Variants in SRP9 observed in about 807,000 individuals in gnomAD.
SRP9 encodes signal recognition particle 9 kDa protein.
In SRP9, 2 loss-of-function variants were observed where a neutral mutation model predicts 11.7. The ratio of observed to expected loss-of-function variants is 0.17; its 90% CI spans 0.07 to 0.54. The LOEUF is 0.54. Ranked by LOEUF, SRP9 falls within the 20% of genes least tolerant of loss-of-function variation. The pLI, the probability that SRP9 is intolerant of heterozygous loss-of-function variation, is 0.94. For missense variants in SRP9, 54 were observed against 108.1 expected, an observed-to-expected ratio of 0.50 and a Z score of 2.22; for synonymous variants, 27 against 35.6, an observed-to-expected ratio of 0.76 and a Z score of 0.86.
At position 225,789,373 on chromosome 1, in the gene SRP9, A is replaced by C; in HGVS notation, c.*14A>C. 6.4e-7 allele frequency: 1 copy of C among 1,569,770 alleles called. No individual in the cohort carries two copies. Among genetic ancestry groups the C allele is most frequent in the Non-Finnish European group, 8.6e-7 (1 of 1,160,076 alleles). On this transcript the variant is annotated 3_prime_UTR_variant, in exon 3 of 3. Transcript: ENST00000304786. ...GAAACTGAGTGAATGGTTTGAAATG[A>C]AGACTTTGTCGTGTACTTAGGAAGT...
At chr1:225,781,488 C>G (rs1017252512) in intron 1 of SRP9, among the ~76,000 whole-genome samples, 1 of 150,316 alleles carries the variant, frequency 6.7e-6, no homozygotes, top group African/African-American at 2.5e-5. Flanking sequence ...CAACCTCCGC[C>G]TCCCGAGTTC....
chr1:225,783,408 G>A (rs777253030), intron 2 of SRP9, 40 bp downstream of exon 2: 6 of 1,477,278 alleles, frequency 4.1e-6, no homozygotes, highest in Non-Finnish European at 4.7e-6. Context: ...TTTCAGATTT[G>A]TTTGAGTTAA....
intron 2 of SRP9, among the ~76,000 whole-genome samples, chr1:225,783,827 T>C (rs1403118236): frequency 1.3e-5 from 2 of 152,208 alleles, no homozygotes; most frequent in Non-Finnish European, 2.9e-5. Context: ...CATCAGCAGC[T>C]CCTTTCTTTT....
intron 1 of SRP9, among the ~76,000 whole-genome samples, chr1:225,780,544 T>G (rs1394091970): frequency 6.6e-6 from 1 of 152,190 alleles, no homozygotes. Flanking sequence ...TTACATAGAT[T>G]TATACATAAT....
intron 1 of SRP9, among the ~76,000 whole-genome samples, chr1:225,782,320 C>T (rs1040571336): frequency 1.9e-4 from 29 of 152,200 alleles, no homozygotes; most frequent in African/African-American, 6.0e-4. Context: ...CTCATCACCA[C>T]GCCCGGCTAA....
At chr1:225,784,944 T>C (rs1665874536) in intron 2 of SRP9, among the ~76,000 whole-genome samples, 2 of 152,106 alleles carry the variant, frequency 1.3e-5, no homozygotes, top group African/African-American at 4.8e-5. Flanking sequence ...TTTTTTTAAT[T>C]AAAAAAATTT....
rs71170100 is a variant in SRP9 at position 225,784,413 on chromosome 1, A to ATT, written c.141+1053_141+1054dup. On this transcript the variant is annotated intron_variant, in intron 2 of 2. Coordinates refer to ENST00000304786, the MANE Select transcript of SRP9 (RefSeq NM_003133.6). ...AGGCACCCACCACCACGCCCAGCTA[A>ATT]TTTTTTTTTGTATTTTTAGTAGAGA... is the stretch of plus-strand genomic sequence containing the variant. Among the ~76,000 whole-genome samples, 25 of 146,480 alleles carry ATT rather than the reference A, an allele frequency of 1.7e-4. No individual in the cohort carries two copies. The South Asian group carries it at 3.3e-3, about 19-fold the overall frequency.
chr1:225,786,687 A>C (rs900308847), intron 2 of SRP9, among the ~76,000 whole-genome samples: 6 of 152,194 alleles, frequency 3.9e-5, no homozygotes, highest in African/African-American at 1.4e-4. Flanking sequence ...GGCCTTGGAA[A>C]AGTTTAGGCC....
At chr1:225,779,261 C>G (rs1159396268) in intron 1 of SRP9, among the ~76,000 whole-genome samples, 2 of 151,984 alleles carry the variant, frequency 1.3e-5, no homozygotes, top group African/African-American at 4.8e-5. Context: ...TCTCCTGCCT[C>G]AGCTTCCCGA....
chr1:225,788,517 G>A (rs1160872878), intron 2 of SRP9, among the ~76,000 whole-genome samples: 1 of 150,434 alleles, frequency 6.6e-6, no homozygotes. Flanking sequence ...CTGGGTTCAA[G>A]CGATTCTCCT....
intron 2 of SRP9, chr1:225,788,902 C>G (rs1410367608): frequency 9.3e-6 from 11 of 1,181,322 alleles, no homozygotes; most frequent in East Asian, 2.6e-5. Context: ...GGGAGATAAT[C>G]TAATACCTAA....
At chr1:225,785,895 C>T (rs957026005) in intron 2 of SRP9, among the ~76,000 whole-genome samples, 1 of 151,976 alleles carries the variant, frequency 6.6e-6, no homozygotes, top group Non-Finnish European at 1.5e-5. Context: ...GTCGCCCAGG[C>T]GGCTGGAGTT....
At chr1:225,778,950 C>G (rs1391703806) in intron 1 of SRP9, among the ~76,000 whole-genome samples, 2 of 152,168 alleles carry the variant, frequency 1.3e-5, no homozygotes, top group African/African-American at 4.8e-5. Context: ...TCTCGTGTTA[C>G]TGACCCCAAG....
chr1:225,786,889 C>T, intron 2 of SRP9: 1 of 1,137,982 alleles, frequency 8.8e-7, no homozygotes, highest in Admixed American at 2.5e-5. Flanking sequence ...ATTGCTCAGG[C>T]TGCAGTGCAG....
intron 1 of SRP9, among the ~76,000 whole-genome samples, chr1:225,778,352 T>C (rs1346410289): frequency 2.0e-5 from 3 of 152,268 alleles, no homozygotes; most frequent in Admixed American, 1.3e-4. Flanking sequence ...TTTGTCTTGG[T>C]TCACTTTTCC....
chr1:225,787,726 G>A (rs561029374), intron 2 of SRP9, among the ~76,000 whole-genome samples: 189 of 151,982 alleles, frequency 1.2e-3, no homozygotes, highest in African/African-American at 4.2e-3. Flanking sequence ...TGTCTTCTAT[G>A]GACCTAAAAT....
In SRP9 at chr1:225,790,065, A is replaced by G. The variant is rs575875403; in HGVS notation, c.*706A>G. The G allele has an allele frequency of 2.6e-5, 4 of 152,342 alleles. No individual in the cohort carries two copies. Among genetic ancestry groups the G allele is most frequent in the African/African-American group, 7.2e-5 (3 of 41,574 alleles). 9.4% of individuals were successfully genotyped at this position (152,342 alleles called of 1,614,324 possible). Reference sequence around the variant, plus strand: ...TGAATGGAATGATGATCACTGTGCTATAATGTACTGAAACCACCATATTAC... The same window carrying G: ...TGAATGGAATGATGATCACTGTGCTGTAATGTACTGAAACCACCATATTAC... On this transcript the variant is annotated 3_prime_UTR_variant, in exon 3 of 3. Transcript: ENST00000304786.
At chr1:225,783,188 TG>T (rs1428419030) in intron 1 of SRP9, 111 bp from the exon 2 acceptor site, 1 of 697,872 alleles carries the variant, frequency 1.4e-6, no homozygotes, top group Non-Finnish European at 2.4e-6. Context: ...TGCCTTTAGA[TG>T]TTTGGGGGTA....
At chr1:225,787,497 G>A (rs1665942357) in intron 2 of SRP9, among the ~76,000 whole-genome samples, 1 of 152,096 alleles carries the variant, frequency 6.6e-6, no homozygotes, top group Non-Finnish European at 1.5e-5. Flanking sequence ...TTGTGCCACT[G>A]CACTCTAGCC....
Sources: allele counts gnomAD v4.1 joint callset (sites outside exome capture counted in the v4.1 genomes callset), GRCh38; gene constraint gnomAD v4.1.1; transcripts MANE v1.5; gene names NCBI Gene and HGNC (gene_info 2026-07-23, HGNC 2026-07-21).